Variants in SMC1B observed in about 807,000 individuals in gnomAD.
The protein encoded by SMC1B is structural maintenance of chromosomes 1B.
In SMC1B, 60 loss-of-function variants were observed where a neutral mutation model predicts 157.9. That is an observed-to-expected ratio of 0.38 (90% CI 0.31 to 0.47). The LOEUF (loss-of-function observed/expected upper bound fraction) is 0.47. Ranked by LOEUF, SMC1B falls within the 20% of genes least tolerant of loss-of-function variation. The pLI is 0.99. For missense variants in SMC1B, 1,165 were observed against 1,426.2 expected (o/e 0.82, Z 2.95); for synonymous variants, 445 against 483.0 (o/e 0.92, Z 1.03).
In SMC1B at chr22:45,403,290, T is replaced by C. The variant is rs562891412; in HGVS notation, c.616-719A>G. On this transcript the variant is annotated intron_variant, in intron 4 of 24. Coordinates refer to ENST00000357450, the MANE Select transcript of SMC1B (RefSeq NM_148674.5). ...TTCCACTAACAAAACCAAGGACATG[T>C]ATACATATTAGAAAACATGAAGACA... 7.9e-5 allele frequency among the ~76,000 whole-genome samples: 12 copies of C among 152,236 alleles called. 1 individual carries two copies. The highest frequency in any genetic ancestry group is 1.3e-4 in the Non-Finnish European group (9 of 68,040).
chr22:45,374,348 C>T (rs2086864891), intron 12 of SMC1B, among the ~76,000 whole-genome samples: 1 of 151,968 alleles, frequency 6.6e-6, no homozygotes, highest in South Asian at 2.1e-4. Context: ...TTATAATGGT[C>T]TTTCTAGAGA....
At chr22:45,374,095 T>G (rs991821179) in intron 12 of SMC1B, among the ~76,000 whole-genome samples, 1 of 144,210 alleles carries the variant, frequency 6.9e-6, no homozygotes, top group South Asian at 2.2e-4. Context: ...AGACGGTTTT[T>G]TTTTTTTTTT....
chr22:45,403,790 T>G (rs1324035738), intron 4 of SMC1B, among the ~76,000 whole-genome samples: 1 of 152,078 alleles, frequency 6.6e-6, no homozygotes, highest in Non-Finnish European at 1.5e-5. Flanking sequence ...TATATTACAG[T>G]TATTCTAATG....
intron 23 of SMC1B, among the ~76,000 whole-genome samples, chr22:45,348,687 T>C (rs887147131): frequency 6.6e-6 from 1 of 151,656 alleles, no homozygotes; most frequent in Non-Finnish European, 1.5e-5. Flanking sequence ...TCAACTTGTT[T>C]TAGATATTTA....
intron 11 of SMC1B, among the ~76,000 whole-genome samples, chr22:45,386,073 C>G (rs995074527): frequency 9.2e-5 from 14 of 152,036 alleles, no homozygotes; most frequent in Non-Finnish European, 1.5e-4. Context: ...TAATTTAATT[C>G]TCATAACCCT....
intron 15 of SMC1B, among the ~76,000 whole-genome samples, chr22:45,368,517 G>GT (rs964475686): frequency 0.015 from 2,047 of 138,562 alleles, 27 homozygotes; most frequent in African/African-American, 0.035. Flanking sequence ...TTCTGAAATA[G>GT]TTTTTTTTTT....
At chr22:45,360,944 A>G (rs1397825187) in intron 17 of SMC1B, among the ~76,000 whole-genome samples, 1 of 150,928 alleles carries the variant, frequency 6.6e-6, no homozygotes, top group African/African-American at 2.4e-5. Context: ...TCATCATGGC[A>G]GACACACAAG....
At chr22:45,402,709 T>A in intron 4 of SMC1B, 138 bp from the exon 5 acceptor site, 1 of 712,600 alleles carries the variant, frequency 1.4e-6, no homozygotes. Context: ...AAAAGTAGCA[T>A]AATTTGGCGA....
chr22:45,411,925 C>A (rs2087339882), intron 1 of SMC1B, among the ~76,000 whole-genome samples: 1 of 152,094 alleles, frequency 6.6e-6, no homozygotes, highest in Admixed American at 6.5e-5. Context: ...GTCGCCCAGG[C>A]TGGAATGCAG....
At chr22:45,403,736 G>A (rs2087224406) in intron 4 of SMC1B, among the ~76,000 whole-genome samples, 1 of 152,156 alleles carries the variant, frequency 6.6e-6, no homozygotes, top group Non-Finnish European at 1.5e-5. Flanking sequence ...TGGGATTAAA[G>A]ATGTGAGCCA....
intron 21 of SMC1B, 56 bp downstream of exon 21, chr22:45,353,922 A>AAAAAAAAAAC: frequency 1.9e-6 from 2 of 1,033,200 alleles, no homozygotes; most frequent in East Asian, 2.9e-5. Flanking sequence ...AAAAAAAAAC[A>AAAAAAAAAAC]ACCACCACCG....
At chr22:45,348,636 T>C (rs2086575800) in intron 23 of SMC1B, among the ~76,000 whole-genome samples, 1 of 152,184 alleles carries the variant, frequency 6.6e-6, no homozygotes, top group South Asian at 2.1e-4. Context: ...TCTCATCAAC[T>C]CTGGAAGGTC....
chr22:45,356,814 C>T (rs1010215516), intron 19 of SMC1B, among the ~76,000 whole-genome samples: 1 of 150,598 alleles, frequency 6.6e-6, no homozygotes, highest in African/African-American at 2.4e-5. Context: ...ACTGCAACCT[C>T]CACATCCCAG....
Position 45,358,703 on chromosome 22 carries a change from A to G in SMC1B, c.2955T>C (p.Asp985=). 6.3e-7 allele frequency: 1 copy of G among 1,593,862 alleles called. No homozygotes were observed. The highest frequency in any genetic ancestry group is 1.1e-5 in the South Asian group (1 of 89,070). The part of the protein sequence containing the change: ...FEIDYSSLKE[D]LKALQSDQEI... ...ACAGAAAGCTTTCCATTACCTTCAA[A>G]TCCTCTTTTAGAGAGCTGTAGTCTA... The change falls in exon 19 of 25, where the codon GAT becomes GAC. Residue 985 remains aspartate (D), a synonymous_variant. Transcript: ENST00000357450.
At chr22:45,400,849 A>G (rs187745057) in intron 5 of SMC1B, among the ~76,000 whole-genome samples, 4 of 152,310 alleles carry the variant, frequency 2.6e-5, no homozygotes. Context: ...TGAGAAGGAC[A>G]TTTTACTTCT....
At chr22:45,362,762 T>C in intron 16 of SMC1B, 123 bp downstream of exon 16, 1 of 769,120 alleles carries the variant, frequency 1.3e-6, no homozygotes, top group Non-Finnish European at 2.1e-6. Context: ...ACTTTAAGTA[T>C]TTCTTAAATC....
chr22:45,362,081 A>T lies in SMC1B; in HGVS notation c.2563-97T>A, dbSNP rs1292334748. 20 of 1,260,618 alleles carry T rather than the reference A, an allele frequency of 1.6e-5. No individual in the cohort carries two copies. The Admixed American group carries it at 4.5e-4, about 29-fold the overall frequency. 78.1% of individuals were successfully genotyped at this position (1,260,618 alleles called of 1,614,324 possible). A position where few individuals can be genotyped will look rare whatever the true frequency, so the allele number is the denominator to read the frequency against. On this transcript the variant is annotated intron_variant, in intron 16 of 24. Coordinates refer to ENST00000357450, the MANE Select transcript of SMC1B (RefSeq NM_148674.5). Reference sequence around the variant, plus strand: ...ATAACACCAAACCAGTTATCCCGAGATGAACCTTCTCACCCTATGTGCTAC... The same window carrying T: ...ATAACACCAAACCAGTTATCCCGAGTTGAACCTTCTCACCCTATGTGCTAC...
At chr22:45,407,659 G>A (rs1055843149) in intron 2 of SMC1B, among the ~76,000 whole-genome samples, 48 of 152,198 alleles carry the variant, frequency 3.2e-4, no homozygotes, top group Admixed American at 2.0e-3. Context: ...ACGTTTCCCA[G>A]GCTGGTCTCA....
chr22:45,376,658 C>T (rs1374546365), intron 12 of SMC1B, among the ~76,000 whole-genome samples: 2 of 151,926 alleles, frequency 1.3e-5, no homozygotes, highest in Non-Finnish European at 2.9e-5. Flanking sequence ...TGATATGATA[C>T]ACCATTTTAT....
Sources: gnomAD v4.1 joint callset for allele counts (sites outside exome capture counted in the v4.1 genomes callset) on GRCh38, gnomAD v4.1.1 for gene constraint, MANE v1.5 for transcripts, NCBI Gene and HGNC (gene_info 2026-07-23, HGNC 2026-07-21) for gene names.